NAALADL2: variants seen among roughly 807,000 people sequenced by gnomAD.
The protein encoded by NAALADL2 is inactive N-acetylated-alpha-linked acidic dipeptidase-like protein 2.
NAALADL2 carries 76 observed loss-of-function variants against 87.2 expected under a neutral mutation model. The observed-to-expected ratio is 0.87, with a 90% CI of 0.72 to 1.05. The LOEUF (loss-of-function observed/expected upper bound fraction) is 1.05, where lower values mean the gene tolerates loss of function less well. Among genes scored for constraint, NAALADL2 ranks in the 50% least tolerant of loss-of-function variants. The pLI is 0.00. For missense variants in NAALADL2, 1,089 were observed against 945.8 expected (o/e 1.15, Z -1.99); for synonymous variants, 354 against 331.0 (o/e 1.07, Z -0.75).
chr3:175,123,765 C>G (rs763583117), intron 2 of NAALADL2, among the ~76,000 whole-genome samples: 1 of 151,938 alleles, frequency 6.6e-6, no homozygotes, highest in Non-Finnish European at 1.5e-5. Flanking sequence ...CCTTACCAAT[C>G]TTCTATAAAA....
intron 1 of NAALADL2, among the ~76,000 whole-genome samples, chr3:174,442,812 A>C (rs148863381): frequency 2.0e-5 from 3 of 152,316 alleles, no homozygotes; most frequent in African/African-American, 7.2e-5. Context: ...GTGTGTGTTT[A>C]GTAATTTAAA....
intron 6 of NAALADL2, chr3:175,460,265 A>G: frequency 2.2e-6 from 1 of 449,132 alleles, no homozygotes; most frequent in Non-Finnish European, 4.5e-6. Flanking sequence ...TAGTGAAAAT[A>G]AACAGACTCT....
intron 3 of NAALADL2, among the ~76,000 whole-genome samples, chr3:174,816,335 A>G (rs929548941): frequency 6.6e-6 from 1 of 150,828 alleles, no homozygotes; most frequent in African/African-American, 2.4e-5. Context: ...CTCTCAAAGA[A>G]TTTTATGTGG....
chr3:174,848,492 T>C (rs1387511448), intron 3 of NAALADL2, among the ~76,000 whole-genome samples: 1 of 152,174 alleles, frequency 6.6e-6, no homozygotes, highest in African/African-American at 2.4e-5. Flanking sequence ...ATATAATGTT[T>C]ACCGTTGTGC....
chr3:175,684,686 C>G (rs1019094129), intron 11 of NAALADL2, among the ~76,000 whole-genome samples: 1 of 151,922 alleles, frequency 6.6e-6, no homozygotes, highest in African/African-American at 2.4e-5. Flanking sequence ...GCCTGTAGTC[C>G]CAGCTACTCG....
chr3:175,717,467 G>A (rs1741470632), intron 11 of NAALADL2, among the ~76,000 whole-genome samples: 1 of 152,050 alleles, frequency 6.6e-6, no homozygotes, highest in Non-Finnish European at 1.5e-5. Context: ...CGAGGAAGGA[G>A]GATTGCTTGA....
At chr3:174,470,525 GAAGT>G (rs1392970829) in intron 1 of NAALADL2, among the ~76,000 whole-genome samples, 53 of 152,136 alleles carry the variant, frequency 3.5e-4, no homozygotes, top group African/African-American at 1.2e-3. Context: ...ATTTGCTTTT[GAAGT>G]CTTAGTCATA....
chr3:174,519,931 A>G, intron 1 of NAALADL2, among the ~76,000 whole-genome samples: 1 of 152,274 alleles, frequency 6.6e-6, no homozygotes, highest in African/African-American at 2.4e-5. Flanking sequence ...TAAGCTGAGA[A>G]CCAAATCAAG....
intron 13 of NAALADL2, among the ~76,000 whole-genome samples, chr3:175,785,602 G>A (rs1239678887): frequency 2.9e-5 from 4 of 139,176 alleles, no homozygotes; most frequent in African/African-American, 1.1e-4. Context: ...GTGTGTCTCT[G>A]CACGTGAGAT....
intron 1 of NAALADL2, among the ~76,000 whole-genome samples, chr3:174,970,433 TCA>T (rs1394466873): frequency 6.6e-6 from 1 of 152,182 alleles, no homozygotes; most frequent in Non-Finnish European, 1.5e-5. Flanking sequence ...TTGCTCTATT[TCA>T]GTTGCTTTAG....
At chr3:174,515,796 TA>T (rs1719906842) in intron 1 of NAALADL2, among the ~76,000 whole-genome samples, 1 of 151,988 alleles carries the variant, frequency 6.6e-6, no homozygotes, top group Admixed American at 6.6e-5. Context: ...GATTCAAGGT[TA>T]TCTCAGGCCA....
chr3:175,301,549 A>G (rs1422722279), intron 4 of NAALADL2, among the ~76,000 whole-genome samples: 9 of 152,198 alleles, frequency 5.9e-5, no homozygotes, highest in South Asian at 4.1e-4. Flanking sequence ...ATGAAAACTC[A>G]TACTAAAGCA....
At chr3:175,728,085 A>G (rs1289886465) in intron 11 of NAALADL2, among the ~76,000 whole-genome samples, 4 of 152,174 alleles carry the variant, frequency 2.6e-5, no homozygotes, top group Non-Finnish European at 4.4e-5. Flanking sequence ...TTTTATATAT[A>G]TAAACTTGTC....
intron 2 of NAALADL2, among the ~76,000 whole-genome samples, chr3:174,632,659 G>T (rs1306514684): frequency 2.0e-5 from 3 of 152,098 alleles, no homozygotes; most frequent in Non-Finnish European, 4.4e-5. Context: ...GCACAGGCTG[G>T]GTGCAGTGGC....
chr3:175,340,265 T>C (rs1292232119), intron 5 of NAALADL2, among the ~76,000 whole-genome samples: 1 of 152,214 alleles, frequency 6.6e-6, no homozygotes, highest in African/African-American at 2.4e-5. Flanking sequence ...AGGATGGCTA[T>C]AAAATCACAT....
rs947684898 is a variant in NAALADL2, at chr3:175,389,937, A to G, written c.1091-57292A>G. ...AGCAGAATGAAACCCTTAAGATTCC[A>G]TGGTAAACTTGGTACTATATGCAAA... On this transcript the variant is annotated intron_variant, in intron 5 of 13. Transcript: ENST00000454872. 2.0e-4 allele frequency among the ~76,000 whole-genome samples: 30 copies of G among 152,218 alleles called. 1 individual carries two copies. The highest frequency in any genetic ancestry group is 6.5e-4 in the African/African-American group (27 of 41,458).
chr3:175,447,200 G>A (rs1480553511), intron 5 of NAALADL2, 29 bp from the exon 6 acceptor site: 1 of 1,490,392 alleles, frequency 6.7e-7, no homozygotes, highest in East Asian at 2.3e-5. Flanking sequence ...GTTTACTAAG[G>A]ATTATCTTCC....
At chr3:174,660,265 AATG>A (rs1725380658) in intron 2 of NAALADL2, among the ~76,000 whole-genome samples, 2 of 152,192 alleles carry the variant, frequency 1.3e-5, no homozygotes, top group South Asian at 4.1e-4. Context: ...CAACTTTGCC[AATG>A]ATTTTTGCTA....
At chr3:174,584,843 A>G (rs985406402) in intron 2 of NAALADL2, among the ~76,000 whole-genome samples, 5 of 152,146 alleles carry the variant, frequency 3.3e-5, no homozygotes, top group African/African-American at 9.7e-5. Context: ...AGTTTGATCA[A>G]TGAGACTGAT....
Sources: gnomAD v4.1 joint callset for allele counts (sites outside exome capture counted in the v4.1 genomes callset) on GRCh38, gnomAD v4.1.1 for gene constraint, MANE v1.5 for transcripts, NCBI Gene and HGNC (gene_info 2026-07-23, HGNC 2026-07-21) for gene names.